DNAH6: variants seen among roughly 807,000 people sequenced by gnomAD.
DNAH6 encodes dynein axonemal heavy chain 6.
A neutral mutation model predicts 491.4 loss-of-function variants in DNAH6; 340 were observed. The observed-to-expected ratio is 0.69, with a 90% CI of 0.63 to 0.76. DNAH6 has a LOEUF of 0.76. DNAH6 is among the 30% of genes least tolerant of loss of function. The pLI, the probability that DNAH6 is intolerant of heterozygous loss-of-function variation, is 0.00. For synonymous variants in DNAH6, 1,603 were observed against 1,686.1 expected (o/e 0.95, Z 1.21); for missense variants, 4,443 against 4,972.2 (o/e 0.89, Z 3.20).
At chr2:84,609,268 T>G (rs1456805223) in intron 21 of DNAH6, among the ~76,000 whole-genome samples, 1 of 152,216 alleles carries the variant, frequency 6.6e-6, no homozygotes, top group Non-Finnish European at 1.5e-5. Context: ...CAAGAACTTT[T>G]CCTTTGCATT....
At chr2:84,658,888 A>C in intron 36 of DNAH6, 138 bp from the exon 37 acceptor site, 1 of 502,670 alleles carries the variant, frequency 2.0e-6, no homozygotes. Context: ...CATTGAGTGA[A>C]GTATAAGAAA....
intron 12 of DNAH6, among the ~76,000 whole-genome samples, chr2:84,574,998 C>T (rs114299351): frequency 1.6e-3 from 238 of 152,222 alleles, no homozygotes; most frequent in African/African-American, 5.5e-3. Context: ...AAACCCAATC[C>T]TGGAACCAGG....
intron 64 of DNAH6, among the ~76,000 whole-genome samples, chr2:84,775,763 G>T (rs964582077): frequency 1.3e-5 from 2 of 151,926 alleles, no homozygotes; most frequent in African/African-American, 4.8e-5. Context: ...TCCAGAAATT[G>T]ATCCATTTCC....
At chr2:84,667,833 C>G (rs7596013) in intron 37 of DNAH6, among the ~76,000 whole-genome samples, 118,707 of 152,158 alleles carry the variant, frequency 0.78, 48,102 homozygotes, top group East Asian at 0.93. Context: ...AGACTTGGAA[C>G]CAACCCAAAT....
intron 61 of DNAH6, among the ~76,000 whole-genome samples, chr2:84,731,896 T>C (rs932683740): frequency 6.6e-6 from 1 of 152,152 alleles, no homozygotes; most frequent in African/African-American, 2.4e-5. Context: ...AGGAGAAATT[T>C]ATATCCCCAA....
chr2:84,653,152 A>G (rs1246947258), intron 33 of DNAH6, among the ~76,000 whole-genome samples, 167 bp from the exon 34 acceptor site: 3 of 152,070 alleles, frequency 2.0e-5, no homozygotes, highest in African/African-American at 4.8e-5. Flanking sequence ...GATATCAGAG[A>G]AATGATAGAT....
At chr2:84,622,982 G>A (rs1305192915) in intron 26 of DNAH6, among the ~76,000 whole-genome samples, 1 of 151,956 alleles carries the variant, frequency 6.6e-6, no homozygotes, top group African/African-American at 2.4e-5. Flanking sequence ...GTCTTTTTCT[G>A]ATAAATGTCT....
At chr2:84,591,001 C>A (rs1353457307) in intron 16 of DNAH6, among the ~76,000 whole-genome samples, 1 of 152,184 alleles carries the variant, frequency 6.6e-6, no homozygotes, top group Non-Finnish European at 1.5e-5. Context: ...ATTAACACCC[C>A]TCCCCAAACC....
chr2:84,807,033 C>T (rs976720566), intron 71 of DNAH6, among the ~76,000 whole-genome samples: 2 of 152,130 alleles, frequency 1.3e-5, no homozygotes, highest in Non-Finnish European at 2.9e-5. Context: ...CCACTGACAC[C>T]TAGGAGGGTT....
At chr2:84,643,609 C>T (rs774282784) in intron 33 of DNAH6, among the ~76,000 whole-genome samples, 3 of 152,250 alleles carry the variant, frequency 2.0e-5, no homozygotes, top group East Asian at 3.9e-4. Flanking sequence ...ATTGAGGTAT[C>T]CTCAAGCTCA....
chr2:84,690,132 C>G (rs1694701769), intron 45 of DNAH6, among the ~76,000 whole-genome samples: 1 of 152,166 alleles, frequency 6.6e-6, no homozygotes, highest in Non-Finnish European at 1.5e-5. Flanking sequence ...TTCCCATGGT[C>G]TACTGCTGCA....
intron 46 of DNAH6, 129 bp from the exon 47 acceptor site, chr2:84,697,446 C>A: frequency 9.8e-7 from 1 of 1,015,368 alleles, no homozygotes; most frequent in African/African-American, 1.6e-5. Context: ...TTCAGGGTTC[C>A]ATGAAATTTT....
chr2:84,483,139 T>C, the DNAH6 span, among the ~76,000 whole-genome samples: 1 of 151,962 alleles, frequency 6.6e-6, no homozygotes. Context: ...TCTTTAATTT[T>C]GGGGGGTAGA....
chr2:84,634,527 C>T lies in DNAH6; in HGVS notation c.4539C>T (p.Gly1513=). 6.5e-7 allele frequency: 1 copy of T among 1,546,002 alleles called. No homozygotes were observed. Among genetic ancestry groups the T allele is most frequent in the Non-Finnish European group, 8.7e-7 (1 of 1,144,992 alleles). The change falls in exon 30 of 77, where the codon GGC becomes GGT. Residue 1513 remains glycine (G), a synonymous_variant. Transcript: ENST00000389394. ...AGATGATGGGGCGCTTCTTCAGTGG[C>T]TTGGCACAGTCAGGGGCCTGGTGCT... ...DYKMMGRFFS[G]LAQSGAWCCF...
intron 9 of DNAH6, 63 bp downstream of exon 9, chr2:84,550,120 G>T (rs1027779532): frequency 1.6e-6 from 2 of 1,288,430 alleles, no homozygotes; most frequent in African/African-American, 1.5e-5. Flanking sequence ...TGCAAACTAC[G>T]CTCTATGAAT....
At chr2:84,672,546 A>T in intron 40 of DNAH6, 62 bp downstream of exon 40, 1 of 1,446,764 alleles carries the variant, frequency 6.9e-7, no homozygotes, top group East Asian at 2.5e-5. Context: ...AATATGATGT[A>T]TAGTTTGTGA....
chr2:84,750,347 T>G (rs2105070071), intron 63 of DNAH6, among the ~76,000 whole-genome samples: 1 of 152,150 alleles, frequency 6.6e-6, no homozygotes, highest in Admixed American at 6.6e-5. Flanking sequence ...CACGCCCAGC[T>G]AATTTTTGTA....
At chr2:84,609,468 G>A (rs1000334407) in intron 21 of DNAH6, among the ~76,000 whole-genome samples, 1 of 152,056 alleles carries the variant, frequency 6.6e-6, no homozygotes, top group African/African-American at 2.4e-5. Flanking sequence ...CAATATTGTT[G>A]TGTCTCAGGG....
intron 44 of DNAH6, among the ~76,000 whole-genome samples, 194 bp from the exon 45 acceptor site, chr2:84,688,245 A>G (rs1694477826): frequency 6.6e-6 from 1 of 151,946 alleles, no homozygotes; most frequent in Non-Finnish European, 1.5e-5. Flanking sequence ...TCTCAAAAAA[A>G]AAAAAAAAAA....
Sources: allele counts gnomAD v4.1 joint callset (sites outside exome capture counted in the v4.1 genomes callset), GRCh38; gene constraint gnomAD v4.1.1; transcripts MANE v1.5; gene names NCBI Gene and HGNC (gene_info 2026-07-23, HGNC 2026-07-21).